Variants in EDIL3 observed in about 807,000 individuals in gnomAD.
The protein encoded by EDIL3 is EGF like and discoidin domains 3.
Under a neutral mutation model 67.4 loss-of-function variants are expected in EDIL3, and 37 were observed. That is an observed-to-expected ratio of 0.55 (90% CI 0.42 to 0.72). The LOEUF (loss-of-function observed/expected upper bound fraction) is 0.72. Ranked by LOEUF, EDIL3 falls within the 30% of genes least tolerant of loss-of-function variation. EDIL3 has a pLI of 0.00. For synonymous variants in EDIL3, 195 were observed against 196.3 expected, an observed-to-expected ratio of 0.99 and a Z score of 0.05; for missense variants, 527 against 586.3, an observed-to-expected ratio of 0.90 and a Z score of 1.04.
In EDIL3 at chr5:84,171,084, C is replaced by T. The variant is rs116299358; in HGVS notation, c.355+9309G>A. On this transcript the variant is annotated intron_variant, in intron 4 of 10. Transcript: ENST00000296591. ...TGCTGGGATTATAGCTGTGAGCCAC[C>T]GCACCTGGCTGAATCAGTTCTAGAA... Among the ~76,000 whole-genome samples, 541 of 152,152 alleles carry T rather than the reference C, an allele frequency of 3.6e-3. 2 individuals carry two copies. The highest frequency in any genetic ancestry group is 0.013 in the African/African-American group (528 of 41,500).
At chr5:84,369,243 CATATAA>C (rs1237106929) in intron 1 of EDIL3, among the ~76,000 whole-genome samples, 6 of 81,394 alleles carry the variant, frequency 7.4e-5, no homozygotes, top group African/African-American at 2.2e-4. Flanking sequence ...CATACACACA[CATATAA>C]ATATACACAC....
chr5:84,230,997 G>T (rs1744566330), intron 2 of EDIL3, among the ~76,000 whole-genome samples: 1 of 152,092 alleles, frequency 6.6e-6, no homozygotes, highest in African/African-American at 2.4e-5. Context: ...TTGGGTAGTG[G>T]TTACCAACCC....
intron 1 of EDIL3, among the ~76,000 whole-genome samples, chr5:84,278,775 C>T (rs1280286594): frequency 6.6e-6 from 1 of 151,976 alleles, no homozygotes; most frequent in Admixed American, 6.6e-5. Flanking sequence ...GTGCTGACTC[C>T]TCTCCCAGAG....
intron 1 of EDIL3, among the ~76,000 whole-genome samples, chr5:84,332,062 A>C (rs1398877188): frequency 6.6e-6 from 1 of 152,174 alleles, no homozygotes; most frequent in Admixed American, 6.6e-5. Flanking sequence ...ATCTAACATC[A>C]GACTCATTCT....
intron 2 of EDIL3, among the ~76,000 whole-genome samples, chr5:84,240,610 C>G (rs906924310): frequency 6.6e-6 from 1 of 152,040 alleles, no homozygotes; most frequent in Non-Finnish European, 1.5e-5. Context: ...TAGGGTGTGG[C>G]CTCCTTAATC....
intron 5 of EDIL3, among the ~76,000 whole-genome samples, chr5:84,119,578 G>T (rs978969406): frequency 7.9e-5 from 12 of 152,124 alleles, no homozygotes; most frequent in South Asian, 2.1e-4. Context: ...TTTAAAATAG[G>T]TCTGGGTCTG....
intron 3 of EDIL3, among the ~76,000 whole-genome samples, chr5:84,207,012 T>G (rs1035370753): frequency 1.3e-5 from 2 of 151,994 alleles, no homozygotes; most frequent in East Asian, 1.9e-4. Context: ...CTCTCACCAC[T>G]CCTATTCAAC....
intron 3 of EDIL3, among the ~76,000 whole-genome samples, chr5:84,208,685 CAAAAAAAAAAA>C (rs70975546): frequency 1.7e-5 from 1 of 59,410 alleles, no homozygotes; most frequent in Non-Finnish European, 2.9e-5. Context: ...GACTCCGTCT[CAAAAAAAAAAA>C]AAAAAAAAAA....
chr5:84,017,605 T>TAAAAGCTACATTAA (rs1186486063), intron 9 of EDIL3, among the ~76,000 whole-genome samples: 1 of 152,120 alleles, frequency 6.6e-6, no homozygotes, highest in African/African-American at 2.4e-5. Context: ...AGCTACATTT[T>TAAAAGCTACATTAA]AAAAATAAAT....
At chr5:84,087,573 GA>G (rs1165921609) in intron 6 of EDIL3, among the ~76,000 whole-genome samples, 2 of 152,194 alleles carry the variant, frequency 1.3e-5, no homozygotes, top group East Asian at 3.8e-4. Flanking sequence ...AAAACATTAT[GA>G]TAGCATATCT....
chr5:84,330,006 T>A (rs1398053373), intron 1 of EDIL3, among the ~76,000 whole-genome samples: 1 of 152,146 alleles, frequency 6.6e-6, no homozygotes, highest in Non-Finnish European at 1.5e-5. Flanking sequence ...GATTTCCAAA[T>A]GCCTAATTTA....
chr5:84,120,568 G>A (rs952225164), intron 5 of EDIL3, among the ~76,000 whole-genome samples: 2 of 151,952 alleles, frequency 1.3e-5, no homozygotes, highest in South Asian at 2.1e-4. Flanking sequence ...ATTTTTTTCC[G>A]TTGTCATTAT....
At chr5:83,977,948 C>G (rs1744902848) in intron 9 of EDIL3, among the ~76,000 whole-genome samples, 1 of 151,802 alleles carries the variant, frequency 6.6e-6, no homozygotes, top group African/African-American at 2.4e-5. Context: ...CTGGAAGAAT[C>G]TCCTTCAAAT....
intron 1 of EDIL3, among the ~76,000 whole-genome samples, chr5:84,280,809 T>C (rs1323957542): frequency 6.6e-6 from 1 of 150,440 alleles, no homozygotes; most frequent in Non-Finnish European, 1.5e-5. Flanking sequence ...CTAGGCGTGG[T>C]GGTGCATGCC....
intron 1 of EDIL3, among the ~76,000 whole-genome samples, chr5:84,271,297 C>T (rs912935502): frequency 1.3e-5 from 2 of 151,814 alleles, no homozygotes; most frequent in African/African-American, 4.8e-5. Flanking sequence ...GCCTGTAGTC[C>T]CAGCTACTCG....
In EDIL3 at chr5:84,356,889, C is replaced by CTTTTTTTT. The variant is rs1189590387; in HGVS notation, c.67+27411_67+27418dup. Among the ~76,000 whole-genome samples, 175 of 32,068 alleles carry CTTTTTTTT rather than the reference C, an allele frequency of 5.5e-3. 7 individuals are homozygous for CTTTTTTTT. Among genetic ancestry groups the CTTTTTTTT allele is most frequent in the Non-Finnish European group, 7.9e-3 (123 of 15,584 alleles). 21.0% of individuals were successfully genotyped at this position (32,068 alleles called of 152,430 possible). On this transcript the variant is annotated intron_variant, in intron 1 of 10. Coordinates refer to ENST00000296591, the MANE Select transcript of EDIL3 (RefSeq NM_005711.5). ...GACCTTGAGAAAACAATCTTTCTTT[C>CTTTTTTTT]TTTTTTTTTTTTTTTTTTTTTTTTT...
In EDIL3 at chr5:83,943,341, C is replaced by T; in HGVS notation, c.*78G>A. On this transcript the variant is annotated 3_prime_UTR_variant, in exon 11 of 11. Transcript: ENST00000296591. ...AAAAAAAAAAAAACCATTCAGTTTC[C>T]TACAGATTTTGCACAGTTCATTCCA... 6.4e-7 allele frequency: 1 copy of T among 1,550,994 alleles called. No individual in the cohort carries two copies. Among genetic ancestry groups the T allele is most frequent in the Admixed American group, 1.9e-5 (1 of 53,144 alleles).
rs140100037 is a variant in EDIL3 at position 84,114,023 on chromosome 5, C to T, written c.470-7193G>A. Among the ~76,000 whole-genome samples the T allele has an allele frequency of 3.9e-4, 60 of 152,154 alleles. No homozygotes were observed. In the South Asian group the frequency reaches 3.9e-3, roughly 10 times the overall value. On this transcript the variant is annotated intron_variant, in intron 5 of 10. Coordinates refer to ENST00000296591, the MANE Select transcript of EDIL3 (RefSeq NM_005711.5). ...TCCTCTGTGCCACTTGGACAACAGC[C>T]TTTCTTTTATTCCTAGCATTTGTTT...
intron 6 of EDIL3, 115 bp from the exon 7 acceptor site, chr5:84,066,721 C>T (rs1331978860): frequency 3.8e-6 from 5 of 1,328,030 alleles, no homozygotes; most frequent in East Asian, 2.7e-5. Context: ...ACATAAAAAG[C>T]TAATAATTTT....
Sources: gnomAD v4.1 joint callset for allele counts (sites outside exome capture counted in the v4.1 genomes callset) on GRCh38, gnomAD v4.1.1 for gene constraint, MANE v1.5 for transcripts, NCBI Gene and HGNC (gene_info 2026-07-23, HGNC 2026-07-21) for gene names.